The following ADSL variants were observed in gnomAD, a reference collection of about 807,000 sequenced individuals.
The protein encoded by ADSL is adenylosuccinate lyase.
In ADSL, 44 loss-of-function variants were observed where a neutral mutation model predicts 62.1. The observed-to-expected ratio is 0.71, with a 90% CI of 0.56 to 0.91. ADSL has a LOEUF of 0.91. Ranked by LOEUF, ADSL falls within the 40% of genes least tolerant of loss-of-function variation. The probability of loss-of-function intolerance (pLI) is 0.00; values close to 1 mark genes in which losing one functional copy is unlikely to be tolerated. For missense variants in ADSL, 531 were observed against 627.4 expected, an observed-to-expected ratio of 0.85 and a Z score of 1.64; for synonymous variants, 198 against 220.5, an observed-to-expected ratio of 0.90 and a Z score of 0.90.
Position 40,347,534 on chromosome 22 carries a change from C to A in ADSL, c.153+823C>A, listed in dbSNP as rs115624105. 8.9e-3 allele frequency among the ~76,000 whole-genome samples: 1,353 copies of A among 152,300 alleles called. 15 individuals carry two copies. The highest frequency in any genetic ancestry group is 0.031 in the African/African-American group (1,285 of 41,542). On this transcript the variant is annotated intron_variant, in intron 1 of 12. Coordinates refer to ENST00000623063, the MANE Select transcript of ADSL (RefSeq NM_000026.4). The stretch of plus-strand genomic sequence containing the variant: ...TGCCACAACGAGCAAGTTGGCAATG[C>A]CCTCTCAAACGGCACAGTAAACATG...
In ADSL at chr22:40,346,829, C is replaced by G. The variant is rs367786120; in HGVS notation, c.153+118C>G. 6.3e-6 allele frequency: 7 copies of G among 1,113,568 alleles called. No homozygotes were observed. The African/African-American group carries it at 7.8e-5, about 12-fold the overall frequency. 69.0% of individuals were successfully genotyped at this position (1,113,568 alleles called of 1,614,324 possible). A position where few individuals can be genotyped will look rare whatever the true frequency, so the allele number is the denominator to read the frequency against. On this transcript the variant is annotated intron_variant, in intron 1 of 12. Coordinates refer to ENST00000623063, the MANE Select transcript of ADSL (RefSeq NM_000026.4). ...GGAGCTGCGGCCCGGCTATTTTCAG[C>G]TGGGTGTTCCCTGTCCTGAGGAGCT... is the stretch of plus-strand genomic sequence containing the variant.
In ADSL at chr22:40,346,549, C is replaced by T. The variant is rs1256340467; in HGVS notation, c.-10C>T. On this transcript the variant is annotated 5_prime_UTR_variant, in exon 1 of 13. Transcript: ENST00000623063. ...GGTCCAGTCCACCCTGGCGGGGTCG[C>T]AGGGTTGGGATGGCGGCTGGAGGCG... 1 of 1,601,550 alleles carries T rather than the reference C, an allele frequency of 6.2e-7. No homozygotes were observed. Among genetic ancestry groups the T allele is most frequent in the South Asian group, 1.1e-5 (1 of 89,382 alleles).
At position 40,364,997 on chromosome 22, in the gene ADSL, C is replaced by A; in HGVS notation, c.1309C>A (p.His437Asn). 1 of 1,614,102 alleles carries A rather than the reference C, an allele frequency of 6.2e-7. No individual in the cohort carries two copies. The highest frequency in any genetic ancestry group is 1.3e-5 in the African/African-American group (1 of 75,056). The part of the protein sequence containing the change: ...IQVDAYFSPI[H>N]SQLDHLLDPS... ...GGTTGATGCCTACTTCAGTCCCATT[C>A]ACTCCCAGTTGGATCATTTACTGGA... Residue 437 changes from histidine to asparagine, a missense_variant, in exon 12 of 13, where the codon CAC becomes AAC. Transcript: ENST00000623063.
chr22:40,361,401 G>T, intron 8 of ADSL, 59 bp downstream of exon 8: 2 of 1,611,738 alleles, frequency 1.2e-6, no homozygotes, highest in Admixed American at 1.7e-5. Flanking sequence ...GTGGATGGGG[G>T]CTGAGAGCTC....
downstream of ADSL, among the ~76,000 whole-genome samples, chr22:40,373,758 G>A (rs1228207329): frequency 1.2e-4 from 18 of 151,528 alleles, no homozygotes. Flanking sequence ...TGAGACTGCA[G>A]GCGTGCACCA....
At chr22:40,379,727 A>G (rs2047246726) in intron 2 of ADSL, among the ~76,000 whole-genome samples, 1 of 152,026 alleles carries the variant, frequency 6.6e-6, no homozygotes. Context: ...TCTTATTATT[A>G]AGGCAGGGTC....
chr22:40,357,088 G>T (rs2735664), intron 4 of ADSL, among the ~76,000 whole-genome samples: 5 of 151,910 alleles, frequency 3.3e-5, no homozygotes, highest in Non-Finnish European at 7.4e-5. Flanking sequence ...TAGAAACAGG[G>T]TTTTACCATG....
At chr22:40,370,287 G>A (rs2045172885), downstream of ADSL, among the ~76,000 whole-genome samples, 1 of 151,472 alleles carries the variant, frequency 6.6e-6, no homozygotes, top group Non-Finnish European at 1.5e-5. Flanking sequence ...CCTGGGAGGT[G>A]GAGGTTGCAG....
At position 40,361,062 on chromosome 22, in the gene ADSL, C is replaced by T. The variant is rs145053553; in HGVS notation, c.793-211C>T. On this transcript the variant is annotated intron_variant, in intron 7 of 12. Coordinates refer to ENST00000623063, the MANE Select transcript of ADSL (RefSeq NM_000026.4). ...AAGCAGTGTTTCACAAAAGCGTTTT[C>T]ATGCTCCTTGAATTTGTCATCCCAG... is the stretch of plus-strand genomic sequence containing the variant. 2,236 of 650,170 alleles carry T rather than the reference C, an allele frequency of 3.4e-3. 11 individuals are homozygous for T. Among genetic ancestry groups the T allele is most frequent in the Non-Finnish European group, 5.1e-3 (1,846 of 359,230 alleles). 40.3% of individuals were successfully genotyped at this position (650,170 alleles called of 1,614,324 possible).
intron 3 of ADSL, 145 bp downstream of exon 3, chr22:40,353,262 A>G (rs1195606713): frequency 1.4e-6 from 1 of 727,694 alleles, no homozygotes; most frequent in Non-Finnish European, 2.5e-6. Context: ...TTTAATCTGT[A>G]GAACTAATTG....
intron 2 of ADSL, among the ~76,000 whole-genome samples, chr22:40,382,939 A>G (rs981268344): frequency 6.6e-6 from 1 of 152,258 alleles, no homozygotes; most frequent in Non-Finnish European, 1.5e-5. Flanking sequence ...TCTTGCTTCC[A>G]CAGTAACACT....
At chr22:40,354,091 C>T (rs1266903603) in intron 3 of ADSL, 157 bp from the exon 4 acceptor site, 3 of 753,276 alleles carry the variant, frequency 4.0e-6, no homozygotes, top group Non-Finnish European at 7.1e-6. Context: ...TGAACTCTTC[C>T]AGGCACTTTA....
intron 2 of ADSL, among the ~76,000 whole-genome samples, chr22:40,381,704 C>A (rs2047609410): frequency 6.6e-6 from 1 of 152,022 alleles, no homozygotes; most frequent in Non-Finnish European, 1.5e-5. Flanking sequence ...CCAGTAATAC[C>A]AGCACTTTGG....
intron 8 of ADSL, 41 bp from the exon 9 acceptor site, chr22:40,361,447 T>G: frequency 6.2e-6 from 10 of 1,614,034 alleles, no homozygotes; most frequent in Non-Finnish European, 5.9e-6. Flanking sequence ...TCCTCTGAAG[T>G]CTCTCTGCCT....
intron 2 of ADSL, among the ~76,000 whole-genome samples, chr22:40,380,628 G>C (rs761514258): frequency 6.6e-6 from 1 of 152,054 alleles, no homozygotes; most frequent in African/African-American, 2.4e-5. Flanking sequence ...GTGAGTCACT[G>C]TGCCCAGCCT....
At chr22:40,377,994 A>G (rs957579767) in intron 2 of ADSL, among the ~76,000 whole-genome samples, 1 of 152,234 alleles carries the variant, frequency 6.6e-6, no homozygotes, top group African/African-American at 2.4e-5. Context: ...TATTACTAGC[A>G]AACAGATTTC....
At chr22:40,354,227 A>C in intron 3 of ADSL, 21 bp from the exon 4 acceptor site, 1 of 1,610,520 alleles carries the variant, frequency 6.2e-7, no homozygotes, top group Non-Finnish European at 8.5e-7. Flanking sequence ...ACCTCTTTCT[A>C]TCACATGATC....
At chr22:40,363,095 A>G (rs777635133) in intron 10 of ADSL, 24 bp downstream of exon 10, 31 of 1,603,812 alleles carry the variant, frequency 1.9e-5, no homozygotes, top group Non-Finnish European at 2.5e-5. Flanking sequence ...ATTCAAAAGT[A>G]AAGTACTAGG....
rs2044789639 is a variant in ADSL at position 40,361,515 on chromosome 22, A to G, written c.890A>G (p.Asn297Ser). Reference protein sequence around the residue: ...IGSSAMPYKRNPMRSERCCSL... With the variant: ...IGSSAMPYKRSPMRSERCCSL... Reference sequence around the variant, plus strand: ...TCAAGTGCGATGCCATATAAGCGGAATCCCATGCGTTCAGAACGTTGCTGC... The same window carrying G: ...TCAAGTGCGATGCCATATAAGCGGAGTCCCATGCGTTCAGAACGTTGCTGC... Residue 297 changes from asparagine (N) to serine (S), a missense_variant, in exon 9 of 13, where the codon AAT becomes AGT. Around this residue, in one of 2 missense-constraint regions of ADSL, gnomAD observed 471 missense variants for 592.9 expected, o/e 0.79. Transcript: ENST00000623063. 2.5e-6 allele frequency: 4 copies of G among 1,614,198 alleles called. No individual in the cohort carries two copies. The highest frequency in any genetic ancestry group is 3.4e-6 in the Non-Finnish European group (4 of 1,180,040).
Sources: allele counts gnomAD v4.1 joint callset (sites outside exome capture counted in the v4.1 genomes callset), GRCh38; gene constraint gnomAD v4.1.1; regional missense constraint gnomAD v4.1.1; transcripts MANE v1.5; gene names NCBI Gene and HGNC (gene_info 2026-07-23, HGNC 2026-07-21).